The following TRAK1 variants were observed in gnomAD, a reference collection of about 807,000 sequenced individuals.
TRAK1 encodes trafficking kinesin protein 1.
Under a neutral mutation model 92.1 loss-of-function variants are expected in TRAK1, and 33 were observed. The observed-to-expected ratio is 0.36, with a 90% CI of 0.27 to 0.48. The LOEUF (loss-of-function observed/expected upper bound fraction) is 0.48. Among genes scored for constraint, TRAK1 ranks in the 20% least tolerant of loss-of-function variants. The pLI, the probability that TRAK1 is intolerant of heterozygous loss-of-function variation, is 0.99. For missense variants in TRAK1, 1,123 were observed against 1,257.9 expected (o/e 0.89, Z 1.62); for synonymous variants, 521 against 517.3 (o/e 1.01, Z -0.10).
intron 11 of TRAK1, among the ~76,000 whole-genome samples, chr3:42,199,889 T>TA (rs1707279272): frequency 6.6e-6 from 1 of 152,272 alleles, no homozygotes; most frequent in Non-Finnish European, 1.5e-5. Flanking sequence ...TACACGTTTT[T>TA]ATCTTTCCTT....
At chr3:42,026,991 G>A (rs1354453580) in intron 1 of TRAK1, among the ~76,000 whole-genome samples, 2 of 152,114 alleles carry the variant, frequency 1.3e-5, no homozygotes, top group Non-Finnish European at 2.9e-5. Context: ...GCTCTTATGT[G>A]AATGTAACCT....
chr3:42,071,906 G>C (rs575881128), intron 1 of TRAK1, among the ~76,000 whole-genome samples: 1 of 152,270 alleles, frequency 6.6e-6, no homozygotes, highest in Non-Finnish European at 1.5e-5. Context: ...ACAGGGATTT[G>C]GGATGAGATT....
intron 2 of TRAK1, among the ~76,000 whole-genome samples, chr3:42,137,682 C>A (rs1375331809): frequency 6.6e-6 from 1 of 152,058 alleles, no homozygotes. Flanking sequence ...GATAGATGCA[C>A]CTGATCCCTG....
In TRAK1 at chr3:42,184,713, G is replaced by A. The variant is rs756303312; in HGVS notation, c.392G>A (p.Arg131His). 3.8e-5 allele frequency: 61 copies of A among 1,613,966 alleles called. No homozygotes were observed. The highest frequency in any genetic ancestry group is 1.0e-4 in the Admixed American group (6 of 59,994). The change falls in exon 4 of 16, where the codon CGC (arginine) becomes CAC (histidine). Residue 131 changes from arginine to histidine, a missense_variant. Arg to His is a conservative substitution (Grantham distance 29). Coordinates refer to ENST00000327628, the MANE Select transcript of TRAK1 (RefSeq NM_001042646.3). ...EKERDLELAA[R>H]IGQSLLKKNK... Reference sequence around the variant, plus strand: ...GAGCGGGATTTAGAATTGGCCGCTCGCATCGGCCAGTCGTTGTTGAAGAAG... The same window carrying A: ...GAGCGGGATTTAGAATTGGCCGCTCACATCGGCCAGTCGTTGTTGAAGAAG...
At chr3:42,176,301 A>AGGAG (rs1255780485) in intron 2 of TRAK1, among the ~76,000 whole-genome samples, 1 of 152,210 alleles carries the variant, frequency 6.6e-6, no homozygotes, top group Non-Finnish European at 1.5e-5. Context: ...CCACTTGAGG[A>AGGAG]GGAGGGGGCT....
intron 2 of TRAK1, among the ~76,000 whole-genome samples, chr3:42,173,772 T>C (rs1702854901): frequency 1.3e-5 from 2 of 152,218 alleles, no homozygotes; most frequent in South Asian, 2.1e-4. Flanking sequence ...AGTTTTCTTA[T>C]CTGTGGAGTA....
intron 1 of TRAK1, among the ~76,000 whole-genome samples, chr3:42,053,376 G>GGC (rs1553705287): frequency 1.9e-5 from 1 of 52,042 alleles, no homozygotes; most frequent in Non-Finnish European, 3.3e-5. Context: ...AGAGTCGGGT[G>GGC]GGGGGGGGGG....
Position 42,035,039 on chromosome 3 carries a change from T to C in TRAK1, c.-519+20922T>C, listed in dbSNP as rs80103218. On this transcript the variant is annotated intron_variant, in intron 1 of 16. Transcript: ENST00000487159. ...TTGCCGGTCTCACCAAAGTGCCTTC[T>C]TTCTCCTTTCCCTGACCTTCTTGCC... Among the ~76,000 whole-genome samples, 875 of 152,312 alleles carry C rather than the reference T, an allele frequency of 5.7e-3. 5 individuals carry two copies. The highest frequency in any genetic ancestry group is 0.02 in the African/African-American group (837 of 41,552).
At chr3:42,076,403 T>C (rs1409617714) in intron 1 of TRAK1, among the ~76,000 whole-genome samples, 1 of 151,086 alleles carries the variant, frequency 6.6e-6, no homozygotes, top group Non-Finnish European at 1.5e-5. Flanking sequence ...TTTGCATATT[T>C]TTAGTAGAGA....
intron 1 of TRAK1, among the ~76,000 whole-genome samples, chr3:42,073,919 C>T (rs1412858228): frequency 6.6e-6 from 1 of 152,166 alleles, no homozygotes. Context: ...CCATCATTGT[C>T]CTAGCTGGAG....
intron 2 of TRAK1, among the ~76,000 whole-genome samples, chr3:42,159,916 T>C (rs1306875432): frequency 6.6e-6 from 1 of 152,218 alleles, no homozygotes; most frequent in African/African-American, 2.4e-5. Context: ...GTGTGCCTGC[T>C]CAAGGCTTAG....
intron 14 of TRAK1, among the ~76,000 whole-genome samples, chr3:42,216,508 T>A (rs898596517): frequency 1.8e-4 from 27 of 152,192 alleles, no homozygotes; most frequent in African/African-American, 6.3e-4. Flanking sequence ...TGGTTCTCAC[T>A]CTTGCAAAGT....
At chr3:42,121,413 C>T (rs1709848320) in intron 1 of TRAK1, among the ~76,000 whole-genome samples, 1 of 152,180 alleles carries the variant, frequency 6.6e-6, no homozygotes, top group South Asian at 2.1e-4. Flanking sequence ...GCGCCCACCA[C>T]TGCGCCTGGC....
intron 10 of TRAK1, among the ~76,000 whole-genome samples, chr3:42,195,189 A>G (rs955880500): frequency 3.9e-5 from 6 of 152,254 alleles, no homozygotes; most frequent in African/African-American, 1.4e-4. Flanking sequence ...AGATAAATTT[A>G]GTAGGAACTT....
chr3:42,028,732 G>A (rs1277878713), intron 1 of TRAK1, among the ~76,000 whole-genome samples: 5 of 152,194 alleles, frequency 3.3e-5, no homozygotes, highest in Non-Finnish European at 5.9e-5. Context: ...TCAGGGGACG[G>A]CTGCATCCCA....
chr3:42,109,300 A>G (rs2149060402), intron 1 of TRAK1, among the ~76,000 whole-genome samples: 1 of 152,352 alleles, frequency 6.6e-6, no homozygotes. Context: ...ATCCCTGCAT[A>G]ACTCCATCAA....
intron 1 of TRAK1, among the ~76,000 whole-genome samples, chr3:42,038,954 C>T (rs1702432687): frequency 6.6e-6 from 1 of 151,640 alleles, no homozygotes; most frequent in African/African-American, 2.4e-5. Flanking sequence ...ATTCATATAC[C>T]TTACAGTTCA....
intron 1 of TRAK1, among the ~76,000 whole-genome samples, chr3:42,056,834 G>T (rs573216771): frequency 1.1e-4 from 16 of 152,158 alleles, no homozygotes; most frequent in African/African-American, 3.6e-4. Context: ...GTAATAATAG[G>T]CTATTCTACA....
chr3:42,074,034 A>C (rs1453857222), intron 1 of TRAK1, among the ~76,000 whole-genome samples: 1 of 152,170 alleles, frequency 6.6e-6, no homozygotes, highest in African/African-American at 2.4e-5. Context: ...GAGTGGACAG[A>C]TGTAGGAGAA....
Sources: allele counts gnomAD v4.1 joint callset (sites outside exome capture counted in the v4.1 genomes callset), GRCh38; gene constraint gnomAD v4.1.1; transcripts MANE v1.5; gene names NCBI Gene and HGNC (gene_info 2026-07-23, HGNC 2026-07-21).